The following NFIA variants were observed in gnomAD, a reference collection of about 807,000 sequenced individuals.
NFIA encodes the protein nuclear factor 1 A-type.
A neutral mutation model predicts 62.8 loss-of-function variants in NFIA; 8 were observed. The ratio of observed to expected loss-of-function variants is 0.13; its 90% CI spans 0.07 to 0.23. The LOEUF is 0.23. NFIA is among the 10% of genes least tolerant of loss of function. The probability of loss-of-function intolerance (pLI) is 1.00; values close to 1 mark genes in which losing one functional copy is unlikely to be tolerated. For missense variants in NFIA, 410 were observed against 642.1 expected (o/e 0.64, Z 3.91); for synonymous variants, 235 against 238.1 (o/e 0.99, Z 0.12).
intron 6 of NFIA, among the ~76,000 whole-genome samples, chr1:61,365,701 C>T (rs1164571225): frequency 1.3e-5 from 2 of 152,216 alleles, no homozygotes; most frequent in African/African-American, 2.4e-5. Context: ...AAGTCCCTGT[C>T]TCCAAGGGCA....
At chr1:61,133,436 A>G (rs1264257581) in intron 2 of NFIA, among the ~76,000 whole-genome samples, 2 of 152,206 alleles carry the variant, frequency 1.3e-5, no homozygotes, top group Non-Finnish European at 2.9e-5. Context: ...GCATATGTAC[A>G]CTAGAATGTT....
At chr1:61,441,331 G>GTGTGTGTGTGTC (rs1360188951) in intron 10 of NFIA, among the ~76,000 whole-genome samples, 333 of 142,406 alleles carry the variant, frequency 2.3e-3, no homozygotes, top group East Asian at 8.1e-3. Flanking sequence ...GTGTGTGTGT[G>GTGTGTGTGTGTC]TGTCTGTCTG....
At chr1:61,446,519 A>G (rs764577116) in intron 10 of NFIA, among the ~76,000 whole-genome samples, 2 of 152,172 alleles carry the variant, frequency 1.3e-5, no homozygotes, top group Non-Finnish European at 2.9e-5. Flanking sequence ...GGAACAGTGG[A>G]CAGGGGAGAA....
chr1:61,244,195 T>C (rs904522500), intron 2 of NFIA, among the ~76,000 whole-genome samples: 1 of 152,196 alleles, frequency 6.6e-6, no homozygotes, highest in African/African-American at 2.4e-5. Flanking sequence ...TGCCAACAAG[T>C]CAGTTTACAA....
At chr1:61,166,617 T>A (rs1649583045) in intron 2 of NFIA, among the ~76,000 whole-genome samples, 1 of 151,692 alleles carries the variant, frequency 6.6e-6, no homozygotes, top group South Asian at 2.1e-4. Flanking sequence ...GTTTCTTTCT[T>A]AAATATGGGT....
intron 2 of NFIA, among the ~76,000 whole-genome samples, chr1:61,186,542 A>G (rs1227489555): frequency 6.6e-6 from 1 of 152,192 alleles, no homozygotes; most frequent in Non-Finnish European, 1.5e-5. Flanking sequence ...GTTACCTACC[A>G]TACATTGTGC....
intron 2 of NFIA, among the ~76,000 whole-genome samples, chr1:61,207,803 A>G (rs1652992159): frequency 6.6e-6 from 1 of 152,096 alleles, no homozygotes; most frequent in Admixed American, 6.6e-5. Flanking sequence ...ATTTATTCAG[A>G]CAAAAGTTTT....
chr1:61,203,440 C>T (rs78219335), intron 2 of NFIA, among the ~76,000 whole-genome samples: 1,685 of 152,212 alleles, frequency 0.011, 35 homozygotes, highest in African/African-American at 0.039. Context: ...CTTTTGAGCC[C>T]GCTGTGCCCT....
In NFIA at chr1:61,166,202, A is replaced by C. The variant is rs186900655; in HGVS notation, c.559+77522A>C. On this transcript the variant is annotated intron_variant, in intron 2 of 10. Transcript: ENST00000403491. The stretch of plus-strand genomic sequence containing the variant: ...GAAACCTATTTGTATAGGAAAATAT[A>C]GTACATTTCCATTCAATATCTACCT... Among the ~76,000 whole-genome samples the C allele has an allele frequency of 2.4e-4, 36 of 152,330 alleles. 1 individual carries two copies. In the East Asian group the frequency reaches 6.0e-3, roughly 25 times the overall value.
chr1:61,125,822 C>T lies in NFIA; in HGVS notation c.559+37142C>T, dbSNP rs557521755. ...ATCACCTAAGCCTAGTTTTGCTAAC[C>T]AGACCCTAGACTTAAAATTAGAGGT... On this transcript the variant is annotated intron_variant, in intron 2 of 10. Coordinates refer to ENST00000403491, the MANE Select transcript of NFIA (RefSeq NM_001134673.4). 2.0e-5 allele frequency among the ~76,000 whole-genome samples: 3 copies of T among 152,244 alleles called. No individual in the cohort carries two copies. The East Asian group carries it at 5.8e-4, about 29-fold the overall frequency.
At chr1:61,376,309 GT>G (rs1231734536) in intron 6 of NFIA, among the ~76,000 whole-genome samples, 9 of 152,032 alleles carry the variant, frequency 5.9e-5, no homozygotes, top group Non-Finnish European at 1.0e-4. Context: ...AAGAATTTTT[GT>G]CCTTTCTTGT....
chr1:61,320,765 G>A (rs1660640243), intron 3 of NFIA, among the ~76,000 whole-genome samples: 1 of 152,112 alleles, frequency 6.6e-6, no homozygotes, highest in South Asian at 2.1e-4. Flanking sequence ...ACCTAAAAAG[G>A]AAGAAAAGGG....
intron 10 of NFIA, among the ~76,000 whole-genome samples, chr1:61,429,288 A>G (rs1385947811): frequency 1.3e-5 from 2 of 152,368 alleles, no homozygotes; most frequent in African/African-American, 2.4e-5. Context: ...CTAATAGGAT[A>G]GAGCTCTACT....
At chr1:61,280,780 T>C (rs1011121831) in intron 3 of NFIA, among the ~76,000 whole-genome samples, 2 of 152,222 alleles carry the variant, frequency 1.3e-5, no homozygotes, top group Non-Finnish European at 2.9e-5. Flanking sequence ...GAAGGAATTA[T>C]CTGAAGCCCA....
intron 10 of NFIA, among the ~76,000 whole-genome samples, chr1:61,444,551 G>A (rs867471549): frequency 6.6e-6 from 1 of 152,188 alleles, no homozygotes; most frequent in Non-Finnish European, 1.5e-5. Context: ...ACCTGAACTT[G>A]AACTTGTAAA....
intron 2 of NFIA, among the ~76,000 whole-genome samples, chr1:61,209,499 A>T (rs923608591): frequency 3.9e-5 from 6 of 152,138 alleles, no homozygotes; most frequent in Admixed American, 3.9e-4. Flanking sequence ...AAACATCTTT[A>T]TTTTTAAAGT....
At chr1:61,140,370 G>T (rs1647416212) in intron 2 of NFIA, among the ~76,000 whole-genome samples, 1 of 150,478 alleles carries the variant, frequency 6.6e-6, no homozygotes, top group Non-Finnish European at 1.5e-5. Context: ...TGGCGGGCGG[G>T]GGCGGGGGGA....
chr1:61,087,027 A>C (rs539264785), intron 1 of NFIA, among the ~76,000 whole-genome samples: 7 of 152,166 alleles, frequency 4.6e-5, no homozygotes, highest in Non-Finnish European at 1.0e-4. Flanking sequence ...GTTAATCAAA[A>C]GTTAGACGTA....
chr1:61,125,351 G>T (rs1646950489), intron 2 of NFIA: 1 of 152,184 alleles, frequency 6.6e-6, no homozygotes. Context: ...CCGATTAGTA[G>T]TTCTGTTTTG....
Sources: allele counts gnomAD v4.1 joint callset (sites outside exome capture counted in the v4.1 genomes callset), GRCh38; gene constraint gnomAD v4.1.1; transcripts MANE v1.5; gene names NCBI Gene and HGNC (gene_info 2026-07-23, HGNC 2026-07-21).